The following DNAH10 variants were observed in gnomAD, a reference collection of about 807,000 sequenced individuals.
DNAH10 encodes the protein axonemal beta dynein heavy chain 10.
A neutral mutation model predicts 506.6 loss-of-function variants in DNAH10; 348 were observed. The observed-to-expected ratio is 0.69, with a 90% CI of 0.63 to 0.75. The LOEUF (loss-of-function observed/expected upper bound fraction) is 0.75. Ranked by LOEUF, DNAH10 falls within the 30% of genes least tolerant of loss-of-function variation. The pLI, the probability that DNAH10 is intolerant of heterozygous loss-of-function variation, is 0.00. For missense variants in DNAH10, 5,179 were observed against 5,787.1 expected (o/e 0.89, Z 3.41); for synonymous variants, 2,059 against 2,198.6 (o/e 0.94, Z 1.78).
intron 5 of DNAH10, 65 bp downstream of exon 5, chr12:123,774,329 C>G: frequency 7.9e-7 from 1 of 1,270,480 alleles, no homozygotes; most frequent in Non-Finnish European, 1.1e-6. Flanking sequence ...TTTGTTTATT[C>G]CACAAATAGG....
intron 54 of DNAH10, among the ~76,000 whole-genome samples, chr12:123,896,148 C>CACACACACACACACACACAG (rs1383690518): frequency 2.1e-5 from 2 of 95,270 alleles, no homozygotes; most frequent in Non-Finnish European, 3.9e-5. Context: ...CACACACACA[C>CACACACACACACACACACAG]AGAGAGAGAG....
At chr12:123,855,680 G>GCA (rs1951359936) in intron 36 of DNAH10, among the ~76,000 whole-genome samples, 1 of 148,388 alleles carries the variant, frequency 6.7e-6, no homozygotes, top group African/African-American at 2.5e-5. Flanking sequence ...ATATATATGC[G>GCA]CACCTAAAGG....
rs146745065 is a variant in DNAH10, at chr12:123,787,485, G to A, written c.1422-319G>A. On this transcript the variant is annotated intron_variant, in intron 9 of 78. Transcript: ENST00000673944. The surrounding 1 kb of genome is among the most constrained non-coding windows in gnomAD (Gnocchi z 4.6). ...CCAAATGGAGGCATTGTCCTGCGCCGTGTTGCAGCTGCCGCTGTTGACCTC... is the reference window on the plus strand; with the variant it reads ...CCAAATGGAGGCATTGTCCTGCGCCATGTTGCAGCTGCCGCTGTTGACCTC... Among the ~76,000 whole-genome samples, 338 of 152,334 alleles carry A rather than the reference G, an allele frequency of 2.2e-3. 1 individual carries two copies. The highest frequency in any genetic ancestry group is 6.7e-3 in the African/African-American group (280 of 41,576).
intron 29 of DNAH10, among the ~76,000 whole-genome samples, chr12:123,840,379 A>C (rs1950725073): frequency 7.4e-6 from 1 of 135,466 alleles, no homozygotes; most frequent in African/African-American, 2.8e-5. Context: ...AGGCTTCTTC[A>C]GTATTCTGTT....
At position 123,813,423 on chromosome 12, in the gene DNAH10, CT is replaced by C. The variant is rs1485350781; in HGVS notation, c.3406del (p.Cys1136ValfsTer2). On this transcript the variant is annotated frameshift_variant, in exon 20 of 79. Coordinates refer to ENST00000673944, the MANE Select transcript of DNAH10 (RefSeq NM_001372106.1). LOFTEE classifies it high-confidence loss of function. ...GAGAAATTTGCTGCCAAGAAACCTCCTTGTGTAGCATATGATGAAAAGTTGC... is the reference window on the plus strand; with the variant it reads ...GAGAAATTTGCTGCCAAGAAACCTCCTGTGTAGCATATGATGAAAAGTTGC... The part of the protein sequence containing the change: ...VMEKFAAKKP[P>X]CVAYDEKLQF... 6.2e-7 allele frequency: 1 copy of C among 1,614,186 alleles called. No homozygotes were observed. The highest frequency in any genetic ancestry group is 8.5e-7 in the Non-Finnish European group (1 of 1,180,018).
chr12:123,769,456 C>A (rs897985186), intron 2 of DNAH10, among the ~76,000 whole-genome samples: 33 of 152,090 alleles, frequency 2.2e-4, no homozygotes, highest in African/African-American at 8.0e-4. Context: ...GGATTACAGG[C>A]GTGAGCCACC....
rs376066853 is a variant in DNAH10 at position 123,873,714 on chromosome 12, G to C, written c.7938+4G>C. 1.1e-5 allele frequency: 17 copies of C among 1,603,696 alleles called. No homozygotes were observed. In the African/African-American group the frequency reaches 2.3e-4, roughly 21 times the overall value. On this transcript the variant is annotated splice_donor_region_variant and intron_variant, in intron 46 of 78. Transcript: ENST00000673944. ...GGATGACATGAATATGCCAAGGGTA[G>C]TTTGACGCTCAAGCAGGTGGAGGGA...
chr12:123,866,771 C>T (rs1373583235), intron 41 of DNAH10, among the ~76,000 whole-genome samples: 1 of 152,152 alleles, frequency 6.6e-6, no homozygotes, highest in Non-Finnish European at 1.5e-5. Flanking sequence ...ACCAATAAAC[C>T]TTTATTTACA....
chr12:123,917,875 C>T lies in DNAH10; in HGVS notation c.11232+62C>T. On this transcript the variant is annotated intron_variant, in intron 64 of 78. Transcript: ENST00000673944. This position sits in a 1 kb window ranked among gnomAD's most constrained non-coding sequence, Gnocchi z 5.6. ...GGGCCTGCATGCGCCGTTGGAGCGT[C>T]CATTTCTCTGTCTGCTCAATGAGAA... The T allele has an allele frequency of 1.3e-6, 2 of 1,500,512 alleles. No homozygotes were observed. Among genetic ancestry groups the T allele is most frequent in the Non-Finnish European group, 1.8e-6 (2 of 1,107,102 alleles). The allele number at this position is 1,500,512 out of a possible 1,614,324, so 92.9% of individuals were successfully genotyped here. A position where few individuals can be genotyped will look rare whatever the true frequency, so the allele number is the denominator to read the frequency against.
rs1325348891 is a variant in DNAH10 at position 123,873,621 on chromosome 12, G to A, written c.7849G>A (p.Ala2617Thr). The change falls in exon 46 of 79, where the codon GCA becomes ACA. Residue 2617 changes from alanine to threonine, a missense_variant. By Grantham distance (58) the Ala-to-Thr change is moderately conservative (BLOSUM62 0). Around this residue, in one of 3 missense-constraint regions of DNAH10, gnomAD observed 4,844 missense variants for 5,430.5 expected, o/e 0.89. Coordinates refer to ENST00000673944, the MANE Select transcript of DNAH10 (RefSeq NM_001372106.1). Reference sequence around the variant, plus strand: ...CATGGATATCCAAAGAAATTTAGAAGCAAATGTGGAAAAGCGAACCAAAGA... The same window carrying A: ...CATGGATATCCAAAGAAATTTAGAAACAAATGTGGAAAAGCGAACCAAAGA... Reference protein sequence around the residue: ...TSMDIQRNLEANVEKRTKDTY... With the variant: ...TSMDIQRNLETNVEKRTKDTY... 2 of 1,613,918 alleles carry A rather than the reference G, an allele frequency of 1.2e-6. No homozygotes were observed. Among genetic ancestry groups the A allele is most frequent in the East Asian group, 2.2e-5 (1 of 44,862 alleles).
At chr12:123,818,227 G>A (rs1473586091) in intron 21 of DNAH10, among the ~76,000 whole-genome samples, 2 of 151,986 alleles carry the variant, frequency 1.3e-5, no homozygotes, top group Non-Finnish European at 2.9e-5. Flanking sequence ...GATTACAGAC[G>A]TGAGCTACTG....
chr12:123,845,664 T>C lies in DNAH10; in HGVS notation c.5425T>C (p.Trp1809Arg). ...VLAASQVWWTWEVEDVFHKAQ... is the reference protein window; with the variant it reads ...VLAASQVWWTREVEDVFHKAQ... Reference sequence around the variant, plus strand: ...GGCCGCTAGCCAGGTGTGGTGGACCTGGGAGGTGGAAGACGTCTTCCACAA... The same window carrying C: ...GGCCGCTAGCCAGGTGTGGTGGACCCGGGAGGTGGAAGACGTCTTCCACAA... The change falls in exon 31 of 79, where the codon TGG (tryptophan) becomes CGG (arginine). Residue 1809 changes from tryptophan to arginine, a missense_variant. Physicochemically the swap from Trp to Arg is moderately radical, Grantham distance 101. Around this residue, in one of 3 missense-constraint regions of DNAH10, gnomAD observed 4,844 missense variants for 5,430.5 expected, o/e 0.89. Coordinates refer to ENST00000673944, the MANE Select transcript of DNAH10 (RefSeq NM_001372106.1). 6.2e-7 allele frequency: 1 copy of C among 1,613,502 alleles called. No individual in the cohort carries two copies. The highest frequency in any genetic ancestry group is 1.3e-5 in the African/African-American group (1 of 74,898).
intron 14 of DNAH10, 99 bp from the exon 15 acceptor site, chr12:123,800,117 A>G (rs1594057525): frequency 3.3e-6 from 4 of 1,216,348 alleles, no homozygotes; most frequent in Non-Finnish European, 4.6e-6. Context: ...TGAAGGGCCC[A>G]GTGTTGATCT....
At chr12:123,827,012 T>C in intron 25 of DNAH10, 114 bp downstream of exon 25, 2 of 938,600 alleles carry the variant, frequency 2.1e-6, no homozygotes, top group Non-Finnish European at 3.1e-6. Flanking sequence ...ATTTCAACAA[T>C]GCCGCAGGGC....
Position 123,931,653 on chromosome 12 carries a change from A to G in DNAH10, c.12934A>G (p.Ile4312Val), listed in dbSNP as rs1257313229. The stretch of plus-strand genomic sequence containing the variant: ...GGTTTTAGGGGAATCCAGCAGTGGT[A>G]TCAGCCGCGATGATTATATTGGCCA... ...QPQTGESSSG[I>V]SRDDYIGQVA... The change falls in exon 75 of 79, where the codon ATC (isoleucine) becomes GTC (valine). Residue 4312 changes from isoleucine (I) to valine (V), a missense_variant. By Grantham distance (29) the Ile-to-Val change is conservative. This residue lies in a region of DNAH10 where 4,844 missense variants were observed against 5,430.5 expected (regional missense o/e 0.89). Transcript: ENST00000673944. The G allele has an allele frequency of 6.2e-7, 1 of 1,613,996 alleles. No homozygotes were observed.
intron 21 of DNAH10, 150 bp from the exon 22 acceptor site, chr12:123,818,800 A>G (rs1959189113): frequency 1.6e-6 from 1 of 609,976 alleles, no homozygotes; most frequent in Non-Finnish European, 2.9e-6. Flanking sequence ...GTCTGGCCTT[A>G]ATATTTCAAT....
intron 2 of DNAH10, among the ~76,000 whole-genome samples, chr12:123,769,995 C>T (rs919283808): frequency 1.3e-5 from 2 of 148,834 alleles, no homozygotes; most frequent in Admixed American, 6.8e-5. Context: ...AATCCCAGGA[C>T]TTAGGGAGGC....
At position 123,846,142 on chromosome 12, in the gene DNAH10, G is replaced by T; in HGVS notation, c.5802G>T (p.Leu1934=). Residue 1934 remains leucine (L), a synonymous_variant, in exon 32 of 79, where the codon CTG becomes CTT. Transcript: ENST00000673944. The surrounding 1 kb of genome is among the most constrained non-coding windows in gnomAD (Gnocchi z 4.5). ...CGCCCCTCACCGATCGGATTTACCT[G>T]ACGCTCACCCAGGTGACTGCCAGCC... The part of the protein sequence containing the change: ...VITPLTDRIY[L]TLTQALSMYL... 1 of 1,612,352 alleles carries T rather than the reference G, an allele frequency of 6.2e-7. No homozygotes were observed. Among genetic ancestry groups the T allele is most frequent in the Non-Finnish European group, 8.5e-7 (1 of 1,179,116 alleles).
intron 24 of DNAH10, among the ~76,000 whole-genome samples, chr12:123,822,456 A>G (rs1291312466): frequency 6.6e-6 from 1 of 152,166 alleles, no homozygotes; most frequent in Admixed American, 6.5e-5. Flanking sequence ...AATAGGAGAT[A>G]TGTGTATCTA....
Sources: allele counts gnomAD v4.1 joint callset (sites outside exome capture counted in the v4.1 genomes callset), GRCh38; gene constraint gnomAD v4.1.1; regional missense constraint gnomAD v4.1.1; non-coding constraint Gnocchi (gnomAD v3.1); transcripts MANE v1.5; gene names NCBI Gene and HGNC (gene_info 2026-07-23, HGNC 2026-07-21).